Variants in XRCC6 observed in about 807,000 individuals in gnomAD.
The protein encoded by XRCC6 is DNA repair protein Ku70.
XRCC6 carries 5 observed loss-of-function variants against 65.7 expected under a neutral mutation model. The observed-to-expected ratio is 0.08, with a 90% confidence interval of 0.04 to 0.16. The LOEUF is 0.16. Ranked by LOEUF, XRCC6 falls within the 10% of genes least tolerant of loss-of-function variation. The pLI, the probability that XRCC6 is intolerant of heterozygous loss-of-function variation, is 1.00. For synonymous variants in XRCC6, 270 were observed against 270.6 expected (o/e 1.00, Z 0.02); for missense variants, 447 against 738.1 (o/e 0.61, Z 4.57).
chr22:41,652,007 C>T (rs1209323688), intron 8 of XRCC6, among the ~76,000 whole-genome samples: 1 of 152,154 alleles, frequency 6.6e-6, no homozygotes, highest in Non-Finnish European at 1.5e-5. Flanking sequence ...TTGTCTCGAA[C>T]TCCTGACCTT....
chr22:41,639,701 T>A (rs540513716), intron 6 of XRCC6, among the ~76,000 whole-genome samples: 170 of 103,902 alleles, frequency 1.6e-3, no homozygotes, highest in Non-Finnish European at 2.9e-3. Flanking sequence ...CTTGCTCTTT[T>A]GGCCGGGCTG....
intron 5 of XRCC6, 69 bp from the exon 6 acceptor site, chr22:41,637,539 A>C: frequency 7.3e-7 from 1 of 1,361,138 alleles, no homozygotes; most frequent in East Asian, 2.6e-5. Flanking sequence ...TTTCAGTTTT[A>C]ACTGAAAGAA....
rs1362550653 is a variant in XRCC6 at position 41,636,678 on chromosome 22, T to C, written c.497T>C (p.Ile166Thr). 6.2e-7 allele frequency: 1 copy of C among 1,614,062 alleles called. No individual in the cohort carries two copies. The highest frequency in any genetic ancestry group is 8.5e-7 in the Non-Finnish European group (1 of 1,180,000). ...CAATTCAAGATGAGTCATAAGAGGA[T>C]CATGCTGTTCACCAATGAAGACAAC... is the stretch of plus-strand genomic sequence containing the variant. ...DVQFKMSHKRIMLFTNEDNPH... is the reference protein window; with the variant it reads ...DVQFKMSHKRTMLFTNEDNPH... The change falls in exon 5 of 13, where the codon ATC becomes ACC. Residue 166 changes from isoleucine (I) to threonine (T), a missense_variant. By Grantham distance (89) the Ile-to-Thr change is moderately conservative. Transcript: ENST00000360079.
chr22:41,637,875 A>G (rs1339291305), intron 6 of XRCC6, 84 bp downstream of exon 6: 2 of 1,440,364 alleles, frequency 1.4e-6, no homozygotes, highest in Non-Finnish European at 1.8e-6. Context: ...CTGTAATCCC[A>G]ACAGTTTGGG....
intron 2 of XRCC6, among the ~76,000 whole-genome samples, chr22:41,626,196 G>C (rs2067669474): frequency 6.6e-6 from 1 of 151,460 alleles, no homozygotes; most frequent in Non-Finnish European, 1.5e-5. Context: ...AGGCTGGAGT[G>C]CAGTGGCGCG....
intron 2 of XRCC6, among the ~76,000 whole-genome samples, chr22:41,623,172 C>T (rs1488867198): frequency 1.3e-5 from 2 of 151,242 alleles, no homozygotes; most frequent in South Asian, 2.1e-4. Flanking sequence ...CCTCAAACTC[C>T]CGGGCTCAAG....
rs61754573 is a variant in XRCC6, at chr22:41,636,752, G to T, written c.571G>T (p.Gly191Cys). ...AKASRARTKA[G>C]DLRDTGIFLD... ...AGCCAGCCGGGCCAGGACCAAAGCC[G>T]GTGATCTCCGAGATACAGGTGGGCA... Residue 191 changes from glycine to cysteine, a missense_variant, in exon 5 of 13, where the codon GGT (glycine) becomes TGT (cysteine). Physicochemically the swap from Gly to Cys is radical, Grantham distance 159. Around this residue, in one of 4 missense-constraint regions of XRCC6, gnomAD observed 228 missense variants for 307.4 expected, o/e 0.74. Coordinates refer to ENST00000360079, the MANE Select transcript of XRCC6 (RefSeq NM_001469.5). 8.9e-5 allele frequency: 143 copies of T among 1,613,982 alleles called. No homozygotes were observed. The highest frequency in any genetic ancestry group is 1.2e-4 in the Non-Finnish European group (140 of 1,180,024).
chr22:41,652,036 G>A (rs548495891), intron 8 of XRCC6, among the ~76,000 whole-genome samples: 1 of 151,996 alleles, frequency 6.6e-6, no homozygotes, highest in Non-Finnish European at 1.5e-5. Context: ...CACCCGCCTC[G>A]GCCTCCCAAA....
chr22:41,633,397 ATT>A (rs200290321), intron 3 of XRCC6, among the ~76,000 whole-genome samples: 9 of 138,816 alleles, frequency 6.5e-5, no homozygotes, highest in African/African-American at 7.9e-5. Flanking sequence ...CCGTGGACCT[ATT>A]TTTTTTTTTT....
At position 41,627,983 on chromosome 22, in the gene XRCC6, A is replaced by T. The variant is rs28384712; in HGVS notation, c.83-135A>T. Reference sequence around the variant, plus strand: ...CTGGCAAGACTCAATTTCCTGACATAGGTGGAGATTTTATGGTTGTTCACC... The same window carrying T: ...CTGGCAAGACTCAATTTCCTGACATTGGTGGAGATTTTATGGTTGTTCACC... On this transcript the variant is annotated intron_variant, in intron 2 of 12. Transcript: ENST00000360079. 2,913 of 523,034 alleles carry T rather than the reference A, an allele frequency of 5.6e-3. 88 individuals are homozygous for T. The highest frequency in any genetic ancestry group is 0.053 in the African/African-American group (2,693 of 50,776). The allele number at this position is 523,034 out of a possible 1,614,324, so 32.4% of individuals were successfully genotyped here.
intron 3 of XRCC6, among the ~76,000 whole-genome samples, chr22:41,628,931 A>C (rs1458445402): frequency 2.3e-5 from 3 of 128,852 alleles, no homozygotes; most frequent in African/African-American, 9.0e-5. Flanking sequence ...GTGCCACTGC[A>C]CTCCAGCTTG....
intron 9 of XRCC6, among the ~76,000 whole-genome samples, chr22:41,654,100 C>T (rs1412132644): frequency 1.3e-5 from 2 of 152,146 alleles, no homozygotes; most frequent in South Asian, 4.1e-4. Flanking sequence ...AGCGGAAAGA[C>T]CATGGATTTT....
At chr22:41,633,564 G>A (rs181915973) in intron 3 of XRCC6, among the ~76,000 whole-genome samples, 13 of 152,180 alleles carry the variant, frequency 8.5e-5, no homozygotes, top group Non-Finnish European at 1.5e-4. Flanking sequence ...TTGTTTTTTA[G>A]TAGAGATGGG....
intron 2 of XRCC6, among the ~76,000 whole-genome samples, chr22:41,625,850 T>A (rs1043600252): frequency 2.6e-5 from 4 of 152,206 alleles, no homozygotes; most frequent in Non-Finnish European, 5.9e-5. Flanking sequence ...TCAATAATTT[T>A]ATTTTTTTAT....
chr22:41,639,759 T>TTGCATGAAGCTCCGCC (rs2067855071), intron 6 of XRCC6, among the ~76,000 whole-genome samples: 1 of 144,268 alleles, frequency 6.9e-6, no homozygotes, highest in Non-Finnish European at 1.5e-5. Flanking sequence ...GCCTCCCGGG[T>TTGCATGAAGCTCCGCC]TCATGCCATT....
chr22:41,647,259 C>G (rs2067941709), intron 7 of XRCC6, among the ~76,000 whole-genome samples, 177 bp downstream of exon 7: 1 of 152,076 alleles, frequency 6.6e-6, no homozygotes, highest in Admixed American at 6.6e-5. Context: ...ACATCACACC[C>G]AGCTAATTTA....
chr22:41,622,818 G>C (rs1026082169), intron 2 of XRCC6, among the ~76,000 whole-genome samples: 1 of 151,782 alleles, frequency 6.6e-6, no homozygotes, highest in Non-Finnish European at 1.5e-5. Context: ...GGTGGCGGTC[G>C]CCTGTAGTCC....
At chr22:41,625,297 A>G (rs971037696) in intron 2 of XRCC6, among the ~76,000 whole-genome samples, 2 of 152,148 alleles carry the variant, frequency 1.3e-5, no homozygotes, top group African/African-American at 4.8e-5. Context: ...ACACATTGCC[A>G]TTTTGTTCTC....
rs1326134819 is a variant in XRCC6 at position 41,646,886 on chromosome 22, A to G, written c.774-10A>G. 1.4e-5 allele frequency: 22 copies of G among 1,571,396 alleles called. No homozygotes were observed. The highest frequency in any genetic ancestry group is 1.9e-5 in the Non-Finnish European group (22 of 1,159,394). On this transcript the variant is annotated splice_polypyrimidine_tract_variant and intron_variant, in intron 6 of 12. Coordinates refer to ENST00000360079, the MANE Select transcript of XRCC6 (RefSeq NM_001469.5). ...TTCAGTTCATGCTCTTTCATTTTTTACTCCCTCAGGTTAAAGCTGAAGCTC... is the reference window on the plus strand; with the variant it reads ...TTCAGTTCATGCTCTTTCATTTTTTGCTCCCTCAGGTTAAAGCTGAAGCTC...
Sources: allele counts gnomAD v4.1 joint callset (sites outside exome capture counted in the v4.1 genomes callset), GRCh38; gene constraint gnomAD v4.1.1; regional missense constraint gnomAD v4.1.1; transcripts MANE v1.5; gene names NCBI Gene and HGNC (gene_info 2026-07-23, HGNC 2026-07-21).